The following ROR1 variants were observed in gnomAD, a reference collection of about 807,000 sequenced individuals.
ROR1 encodes inactive tyrosine-protein kinase transmembrane receptor ROR1.
Under a neutral mutation model 78.8 loss-of-function variants are expected in ROR1, and 19 were observed. The observed-to-expected ratio is 0.24, with a 90% CI of 0.17 to 0.35. ROR1 has a LOEUF of 0.35. Ranked by LOEUF, ROR1 falls within the 10% of genes least tolerant of loss-of-function variation. The pLI, the probability that ROR1 is intolerant of heterozygous loss-of-function variation, is 1.00. For synonymous variants in ROR1, 386 were observed against 433.6 expected (o/e 0.89, Z 1.36); for missense variants, 917 against 1,177.8 (o/e 0.78, Z 3.24).
chr1:64,065,262 G>T (rs1024422764), intron 4 of ROR1, among the ~76,000 whole-genome samples: 3 of 152,188 alleles, frequency 2.0e-5, no homozygotes, highest in African/African-American at 7.2e-5. Flanking sequence ...ATGAAGCTTT[G>T]ATTTGAGCCC....
chr1:63,792,427 A>C (rs1040091409), intron 1 of ROR1, among the ~76,000 whole-genome samples: 3 of 152,164 alleles, frequency 2.0e-5, no homozygotes, highest in African/African-American at 7.2e-5. Context: ...GATAATACGA[A>C]GAGGGAGCAG....
chr1:64,149,802 TCTAGGCACA>T, intron 7 of ROR1, among the ~76,000 whole-genome samples: 1 of 152,350 alleles, frequency 6.6e-6, no homozygotes, highest in African/African-American at 2.4e-5. Context: ...CTAACTGGCA[TCTAGGCACA>T]CTGCCTAGGT....
At chr1:64,021,037 A>AC (rs1390100602) in intron 2 of ROR1, among the ~76,000 whole-genome samples, 9 of 151,546 alleles carry the variant, frequency 5.9e-5, no homozygotes, top group Non-Finnish European at 8.8e-5. Flanking sequence ...GCTTAAAAAA[A>AC]AAAAATGCCC....
chr1:64,077,691 C>G (rs1354170965), intron 4 of ROR1, among the ~76,000 whole-genome samples: 1 of 152,224 alleles, frequency 6.6e-6, no homozygotes, highest in Non-Finnish European at 1.5e-5. Context: ...GTGGTTCTCC[C>G]CACTGGGGAG....
intron 4 of ROR1, chr1:64,112,092 G>A (rs1191195140): frequency 1.3e-5 from 2 of 152,140 alleles, no homozygotes; most frequent in African/African-American, 4.8e-5. Context: ...GCCTCGCGGG[G>A]GGTTGAAGAG....
At chr1:63,967,680 T>C (rs1305538099) in intron 1 of ROR1, among the ~76,000 whole-genome samples, 3 of 152,242 alleles carry the variant, frequency 2.0e-5, no homozygotes, top group Non-Finnish European at 4.4e-5. Flanking sequence ...CCAGTCCTAA[T>C]TCTGCCATGT....
At chr1:64,026,563 T>C (rs1646611588) in intron 2 of ROR1, among the ~76,000 whole-genome samples, 1 of 152,198 alleles carries the variant, frequency 6.6e-6, no homozygotes, top group South Asian at 2.1e-4. Flanking sequence ...CTAGTCCATT[T>C]TCACGCTGCT....
rs554827856 is a variant in ROR1 at position 63,824,865 on chromosome 1, A to T, written c.91+50357A>T. Among the ~76,000 whole-genome samples, 3 of 152,294 alleles carry T rather than the reference A, an allele frequency of 2.0e-5. No individual in the cohort carries two copies. The East Asian group carries it at 5.8e-4, about 29-fold the overall frequency. ...ATGTATATATAGGGCTTACGTATGT[A>T]TAATGTCTTTCTTTACAAACACTGT... On this transcript the variant is annotated intron_variant, in intron 1 of 8. Coordinates refer to ENST00000371079, the MANE Select transcript of ROR1 (RefSeq NM_005012.4).
chr1:63,873,650 C>T (rs1378055724), intron 1 of ROR1, among the ~76,000 whole-genome samples: 3 of 152,064 alleles, frequency 2.0e-5, no homozygotes, highest in South Asian at 2.1e-4. Flanking sequence ...ATGGAAAATT[C>T]ATTATCCTAT....
chr1:63,989,162 G>GTTTTTTTTTTTTTTT (rs1287163623), intron 1 of ROR1, among the ~76,000 whole-genome samples: 3 of 117,398 alleles, frequency 2.6e-5, no homozygotes, highest in African/African-American at 8.7e-5. Flanking sequence ...GTCATTTTCT[G>GTTTTTTTTTTTTTTT]TTTTTGTTTT....
At chr1:64,148,755 G>T (rs141422572) in intron 7 of ROR1, among the ~76,000 whole-genome samples, 1 of 152,102 alleles carries the variant, frequency 6.6e-6, no homozygotes, top group Non-Finnish European at 1.5e-5. Context: ...GCTTGGCTAG[G>T]ATTATATGCA....
At chr1:64,020,347 G>A (rs942205149) in intron 2 of ROR1, among the ~76,000 whole-genome samples, 19 of 152,102 alleles carry the variant, frequency 1.2e-4, no homozygotes, top group East Asian at 1.2e-3. Flanking sequence ...AAATGTCTTA[G>A]GTTCATTTAT....
chr1:64,002,291 G>A (rs1017076016), intron 1 of ROR1, among the ~76,000 whole-genome samples: 16 of 151,952 alleles, frequency 1.1e-4, no homozygotes, highest in Non-Finnish European at 2.1e-4. Context: ...GCACCACCAC[G>A]CCCAGCTAAT....
rs1180719706 is a variant in ROR1 at position 64,142,563 on chromosome 1, C to T, written c.1087C>T (p.Arg363Cys). Reference sequence around the variant, plus strand: ...GCTGAATGGAGGCCATTCCTACTGCCGCAACCCAGGGAATCAAAAGGAAGC... The same window carrying T: ...GCTGAATGGAGGCCATTCCTACTGCTGCAACCCAGGGAATCAAAAGGAAGC... ...PELNGGHSYC[R>C]NPGNQKEAPW... The change falls in exon 7 of 9, where the codon CGC (arginine) becomes TGC (cysteine). Residue 363 changes from arginine (R) to cysteine (C), a missense_variant. Physicochemically the swap from Arg to Cys is radical, Grantham distance 180. Transcript: ENST00000371079. The T allele has an allele frequency of 3.7e-6, 6 of 1,614,008 alleles. No homozygotes were observed. The highest frequency in any genetic ancestry group is 3.3e-5 in the Admixed American group (2 of 59,996).
At chr1:63,790,437 C>A (rs908639803) in intron 1 of ROR1, among the ~76,000 whole-genome samples, 1 of 152,212 alleles carries the variant, frequency 6.6e-6, no homozygotes, top group African/African-American at 2.4e-5. Context: ...CTAAATGACA[C>A]CTGCTGTGAG....
intron 4 of ROR1, among the ~76,000 whole-genome samples, chr1:64,108,716 T>C (rs2100669613): frequency 6.6e-6 from 1 of 152,188 alleles, no homozygotes; most frequent in South Asian, 2.1e-4. Flanking sequence ...TGTTCAGCAA[T>C]GACAGTCTAA....
intron 1 of ROR1, among the ~76,000 whole-genome samples, chr1:63,915,442 G>C (rs1645601719): frequency 6.6e-6 from 1 of 152,156 alleles, no homozygotes; most frequent in Admixed American, 6.5e-5. Context: ...CTTGAGGAGT[G>C]GGCAGGGTTT....
chr1:64,124,590 T>G (rs1648649462), intron 4 of ROR1, among the ~76,000 whole-genome samples: 1 of 152,228 alleles, frequency 6.6e-6, no homozygotes, highest in African/African-American at 2.4e-5. Context: ...CACAAGTTTC[T>G]TGCATTTCCT....
At chr1:63,850,601 C>T (rs1645108233) in intron 1 of ROR1, among the ~76,000 whole-genome samples, 1 of 152,154 alleles carries the variant, frequency 6.6e-6, no homozygotes, top group South Asian at 2.1e-4. Context: ...AAAGATATGT[C>T]AAGTTGAGTA....
Sources: allele counts gnomAD v4.1 joint callset (sites outside exome capture counted in the v4.1 genomes callset), GRCh38; gene constraint gnomAD v4.1.1; transcripts MANE v1.5; gene names NCBI Gene and HGNC (gene_info 2026-07-23, HGNC 2026-07-21).